Variants in MBTD1 observed in about 807,000 individuals in gnomAD.
MBTD1 encodes MBT domain-containing protein 1.
Under a neutral mutation model 87.8 loss-of-function variants are expected in MBTD1, and 24 were observed. The observed-to-expected ratio is 0.27, with a 90% confidence interval of 0.20 to 0.38. The LOEUF (loss-of-function observed/expected upper bound fraction) is 0.38, where lower values mean the gene tolerates loss of function less well. Ranked by LOEUF, MBTD1 falls within the 10% of genes least tolerant of loss-of-function variation. The pLI is 1.00. For synonymous variants in MBTD1, 237 were observed against 248.6 expected (o/e 0.95, Z 0.44); for missense variants, 436 against 760.2 (o/e 0.57, Z 5.02).
At chr17:51,226,114 T>C (rs909999214) in intron 2 of MBTD1, among the ~76,000 whole-genome samples, 3 of 147,782 alleles carry the variant, frequency 2.0e-5, no homozygotes, top group Admixed American at 1.3e-4. Context: ...GGTGGGATGA[T>C]AGCTTGAGCC....
chr17:51,217,196 T>C (rs565627391), intron 6 of MBTD1, 138 bp downstream of exon 6: 14 of 545,408 alleles, frequency 2.6e-5, no homozygotes, highest in Non-Finnish European at 4.1e-5. Flanking sequence ...TTATTAAGTA[T>C]AATAATAAAA....
chr17:51,225,146 C>T lies in MBTD1; in HGVS notation c.16G>A (p.Asp6Asn). The change falls in exon 3 of 17, where the codon GAT becomes AAT. Residue 6 changes from aspartate to asparagine, a missense_variant. Asp to Asn is a conservative substitution (Grantham distance 23). Coordinates refer to ENST00000586178, the MANE Select transcript of MBTD1 (RefSeq NM_017643.3). Reference protein sequence around the residue: MFDGYDSCSEDTSSSS... With the variant: MFDGYNSCSEDTSSSS... ...CTGCTTGTGTCCTCACTGCAGCTAT[C>T]ATAACCGTCAAACATCCCGAAAGAA... The T allele has an allele frequency of 1.3e-6, 2 of 1,547,060 alleles. No individual in the cohort carries two copies. Among genetic ancestry groups the T allele is most frequent in the Non-Finnish European group, 1.7e-6 (2 of 1,145,444 alleles).
chr17:51,242,119 A>G (rs1394705298), intron 2 of MBTD1, among the ~76,000 whole-genome samples: 1 of 152,244 alleles, frequency 6.6e-6, no homozygotes, highest in Non-Finnish European at 1.5e-5. Context: ...GGGGAATGAT[A>G]TAAGAAATAA....
rs556664287 is a variant in MBTD1 at position 51,179,597 on chromosome 17, T to G, written c.*979A>C. On this transcript the variant is annotated 3_prime_UTR_variant, in exon 17 of 17. Transcript: ENST00000586178. ...AGTTTTCTACCAAATCCAGGATAGA[T>G]AAAAGCAGAGCTGGAATGATTTTGA... is the stretch of plus-strand genomic sequence containing the variant. 2 of 143,858 alleles carry G rather than the reference T, an allele frequency of 1.4e-5. No individual in the cohort carries two copies. The highest frequency in any genetic ancestry group is 4.5e-4 in the South Asian group (2 of 4,466). The allele number at this position is 143,858 out of a possible 1,614,324, so 8.9% of individuals were successfully genotyped here.
intron 12 of MBTD1, among the ~76,000 whole-genome samples, chr17:51,200,170 A>G (rs2051379529): frequency 6.6e-6 from 1 of 152,160 alleles, no homozygotes; most frequent in African/African-American, 2.4e-5. Context: ...AACTGTTGAA[A>G]TGCAAATCAC....
rs886563524 is a variant in MBTD1 at position 51,179,925 on chromosome 17, TAA to T, written c.*649_*650del. 7 of 152,118 alleles carry T rather than the reference TAA, an allele frequency of 4.6e-5. No homozygotes were observed. The highest frequency in any genetic ancestry group is 7.4e-5 in the Non-Finnish European group (5 of 68,006). The allele number at this position is 152,118 out of a possible 1,614,324, so 9.4% of individuals were successfully genotyped here. ...ATTTTTTTAATTAAAAGAGAACATA[TAA>T]AAGTATCCAGAGTTCTTCCAGTTTC... On this transcript the variant is annotated 3_prime_UTR_variant, in exon 17 of 17. Coordinates refer to ENST00000586178, the MANE Select transcript of MBTD1 (RefSeq NM_017643.3).
At chr17:51,214,314 T>G (rs1233122754) in intron 6 of MBTD1, among the ~76,000 whole-genome samples, 1 of 152,072 alleles carries the variant, frequency 6.6e-6, no homozygotes, top group East Asian at 1.9e-4. Context: ...CCACTGCCGA[T>G]TATAAAAAAA....
intron 12 of MBTD1, among the ~76,000 whole-genome samples, chr17:51,199,120 C>T (rs572873762): frequency 4.7e-4 from 71 of 151,776 alleles, no homozygotes; most frequent in African/African-American, 1.7e-3. Flanking sequence ...TTTTTTGAGA[C>T]AGAGTTTTGC....
At chr17:51,240,269 T>G (rs1292513927) in intron 2 of MBTD1, among the ~76,000 whole-genome samples, 2 of 152,362 alleles carry the variant, frequency 1.3e-5, no homozygotes, top group South Asian at 4.1e-4. Context: ...AATGAAATAC[T>G]GATAGGTACA....
At chr17:51,258,202 T>C (rs2055206172) in intron 2 of MBTD1, among the ~76,000 whole-genome samples, 1 of 152,246 alleles carries the variant, frequency 6.6e-6, no homozygotes, top group African/African-American at 2.4e-5. Flanking sequence ...ATTTGCTGGC[T>C]TTTAAATCAC....
chr17:51,235,994 T>C (rs1189444467), intron 2 of MBTD1, among the ~76,000 whole-genome samples: 1 of 152,148 alleles, frequency 6.6e-6, no homozygotes, highest in Admixed American at 6.5e-5. Flanking sequence ...AATAGACCTC[T>C]ATCTATCTAT....
intron 6 of MBTD1, among the ~76,000 whole-genome samples, chr17:51,213,189 C>A (rs2052357778): frequency 6.6e-6 from 1 of 152,028 alleles, no homozygotes; most frequent in Non-Finnish European, 1.5e-5. Context: ...CAGGCATGTG[C>A]CACCATGCCC....
intron 16 of MBTD1, chr17:51,184,722 AC>A (rs2050457264): frequency 6.6e-6 from 1 of 152,252 alleles, no homozygotes; most frequent in African/African-American, 2.4e-5. Context: ...TAAAGAAAAT[AC>A]ATCCAAGATC....
At chr17:51,260,848 G>T (rs1164975462), upstream of MBTD1, 1 of 1,600,986 alleles carries the variant, frequency 6.2e-7, no homozygotes. Flanking sequence ...CGGCCGTGGA[G>T]CGGTGCTTGG....
intron 6 of MBTD1, among the ~76,000 whole-genome samples, chr17:51,214,117 C>CAT (rs781765840): frequency 1.6e-5 from 2 of 122,246 alleles, no homozygotes; most frequent in East Asian, 2.7e-4. Flanking sequence ...ATATGCACAT[C>CAT]ATATATATAT....
At position 51,192,203 on chromosome 17, in the gene MBTD1, T is replaced by C. The variant is rs1330487541; in HGVS notation, c.1768A>G (p.Met590Val). 1.0e-5 allele frequency: 16 copies of C among 1,549,902 alleles called. No homozygotes were observed. Among genetic ancestry groups the C allele is most frequent in the Non-Finnish European group, 1.4e-5 (16 of 1,145,850 alleles). ...KSQQYKGHKK[M>V]TTLQLKEELL... Reference sequence around the variant, plus strand: ...ATGTGAACACCACGTGGTGACCCACTTTTCTTATGTCCTTTGTATTGCTGG... The same window carrying C: ...ATGTGAACACCACGTGGTGACCCACCTTTCTTATGTCCTTTGTATTGCTGG... Residue 590 changes from methionine (M) to valine (V), a missense_variant and splice_region_variant, in exon 16 of 17, where the codon ATG (methionine) becomes GTG (valine). Met to Val is a conservative substitution (Grantham distance 21). Around this residue, in one of 5 missense-constraint regions of MBTD1, gnomAD observed 80 missense variants for 182.2 expected, o/e 0.44. Coordinates refer to ENST00000586178, the MANE Select transcript of MBTD1 (RefSeq NM_017643.3).
intron 2 of MBTD1, 147 bp downstream of exon 2, chr17:51,258,996 G>C (rs189466567): frequency 1.0e-5 from 4 of 391,412 alleles, no homozygotes; most frequent in Non-Finnish European, 1.8e-5. Flanking sequence ...AGTAAAAAAA[G>C]GAGCAACTTA....
chr17:51,238,389 T>C (rs930615249), intron 2 of MBTD1, among the ~76,000 whole-genome samples: 1 of 152,192 alleles, frequency 6.6e-6, no homozygotes, highest in South Asian at 2.1e-4. Flanking sequence ...TATGTTTCAT[T>C]ATAACATCAA....
At chr17:51,206,090 T>C (rs2051814211) in intron 7 of MBTD1, among the ~76,000 whole-genome samples, 1 of 152,210 alleles carries the variant, frequency 6.6e-6, no homozygotes, top group Non-Finnish European at 1.5e-5. Flanking sequence ...ACAAGTCTTA[T>C]ACTTCTGGAT....
Sources: allele counts gnomAD v4.1 joint callset (sites outside exome capture counted in the v4.1 genomes callset), GRCh38; gene constraint gnomAD v4.1.1; regional missense constraint gnomAD v4.1.1; transcripts MANE v1.5; gene names NCBI Gene and HGNC (gene_info 2026-07-23, HGNC 2026-07-21).